Variants in CCDC91 observed in about 807,000 individuals in gnomAD.
CCDC91 encodes the protein coiled-coil domain containing 91, also known as coiled-coil domain-containing protein 91.
A neutral mutation model predicts 63.2 loss-of-function variants in CCDC91; 48 were observed. The observed-to-expected ratio is 0.76, with a 90% CI of 0.60 to 0.97. CCDC91 has a LOEUF of 0.97. CCDC91 is among the 50% of genes least tolerant of loss of function. The pLI, the probability that CCDC91 is intolerant of heterozygous loss-of-function variation, is 0.00. For missense variants in CCDC91, 500 were observed against 494.6 expected (o/e 1.01, Z -0.10); for synonymous variants, 167 against 165.8 (o/e 1.01, Z -0.06).
In CCDC91 at chr12:28,348,063, C is replaced by T. The variant is rs74075334; in HGVS notation, c.577-14375C>T. Reference sequence around the variant, plus strand: ...GACTATTACATTACTCTAAGGAGGCCATCTCTCTGTCCATTGTTGGACATT... The same window carrying T: ...GACTATTACATTACTCTAAGGAGGCTATCTCTCTGTCCATTGTTGGACATT... On this transcript the variant is annotated intron_variant, in intron 6 of 12. Transcript: ENST00000536442. 6.2e-3 allele frequency among the ~76,000 whole-genome samples: 944 copies of T among 152,322 alleles called. 7 individuals carry two copies. The highest frequency in any genetic ancestry group is 0.058 in the Middle Eastern group (17 of 294).
chr12:28,456,116 G>A (rs1950046029), intron 11 of CCDC91, among the ~76,000 whole-genome samples: 1 of 152,052 alleles, frequency 6.6e-6, no homozygotes, highest in Non-Finnish European at 1.5e-5. Context: ...AAGTTCTATA[G>A]GCAAAACTTT....
chr12:28,198,404 A>G (rs1941946661), intron 1 of CCDC91, among the ~76,000 whole-genome samples: 2 of 152,346 alleles, frequency 1.3e-5, no homozygotes, highest in Middle Eastern at 3.4e-3. Context: ...AAAGATAGTG[A>G]TTAAAGATGA....
At chr12:28,213,108 A>AC (rs1943339203) in intron 1 of CCDC91, among the ~76,000 whole-genome samples, 2 of 151,926 alleles carry the variant, frequency 1.3e-5, no homozygotes, top group South Asian at 4.2e-4. Context: ...AGTTGAAGAG[A>AC]CCCCCACACA....
chr12:28,485,523 C>A (rs1343783259), intron 12 of CCDC91, among the ~76,000 whole-genome samples: 3 of 152,068 alleles, frequency 2.0e-5, no homozygotes, highest in African/African-American at 4.8e-5. Flanking sequence ...ATCCCCATCT[C>A]TTGATGGCTA....
chr12:28,283,510 G>T (rs1397208533), intron 3 of CCDC91, among the ~76,000 whole-genome samples: 3 of 151,382 alleles, frequency 2.0e-5, no homozygotes, highest in East Asian at 1.9e-4. Context: ...TCTTAGCTTG[G>T]TCATTATTGG....
intron 7 of CCDC91, among the ~76,000 whole-genome samples, chr12:28,388,852 C>T (rs1945767109): frequency 6.6e-6 from 1 of 152,110 alleles, no homozygotes; most frequent in Admixed American, 6.6e-5. Context: ...ATACAAAAAT[C>T]AGCTGAAGAT....
intron 12 of CCDC91, among the ~76,000 whole-genome samples, chr12:28,547,346 A>G (rs2141885917): frequency 6.6e-6 from 1 of 152,220 alleles, no homozygotes; most frequent in East Asian, 1.9e-4. Context: ...CTTTTAGATT[A>G]GGTTAGCATG....
At chr12:28,417,528 CTTTTGTCTTTTTATTTTTCCCCA>C (rs1269115115) in intron 8 of CCDC91, among the ~76,000 whole-genome samples, 2 of 150,922 alleles carry the variant, frequency 1.3e-5, no homozygotes, top group African/African-American at 4.9e-5. Flanking sequence ...TAGTATTTTT[CTTTTGTCTTTTTATTTTTCCCCA>C]GCTTTATTGA....
At chr12:28,257,659 C>T (rs1214237268) in intron 2 of CCDC91, among the ~76,000 whole-genome samples, 1 of 152,078 alleles carries the variant, frequency 6.6e-6, no homozygotes, top group African/African-American at 2.4e-5. Flanking sequence ...ATATTAAGTA[C>T]ATAGCCTTTT....
chr12:28,499,512 C>A (rs185458957), intron 12 of CCDC91, among the ~76,000 whole-genome samples: 49 of 151,930 alleles, frequency 3.2e-4, no homozygotes, highest in Non-Finnish European at 6.3e-4. Flanking sequence ...CCCTACCCCC[C>A]ACTCCCTTAC....
intron 3 of CCDC91, among the ~76,000 whole-genome samples, chr12:28,260,741 G>A (rs541227225): frequency 3.4e-4 from 51 of 152,000 alleles, no homozygotes; most frequent in African/African-American, 1.2e-3. Flanking sequence ...CTCTCAATAA[G>A]TATTTGGAGG....
intron 12 of CCDC91, among the ~76,000 whole-genome samples, chr12:28,535,022 T>A (rs546223014): frequency 2.6e-5 from 4 of 152,312 alleles, no homozygotes; most frequent in Admixed American, 1.3e-4. Context: ...TAAAGAGCTA[T>A]AAAATGAGAC....
chr12:28,509,947 T>G (rs1281245748), intron 12 of CCDC91, among the ~76,000 whole-genome samples: 1 of 151,856 alleles, frequency 6.6e-6, no homozygotes, highest in African/African-American at 2.4e-5. Flanking sequence ...CTGGTAATAG[T>G]TTTGCATGCT....
intron 1 of CCDC91, among the ~76,000 whole-genome samples, chr12:28,207,420 A>T (rs1484360721): frequency 6.6e-6 from 1 of 152,192 alleles, no homozygotes; most frequent in Non-Finnish European, 1.5e-5. Flanking sequence ...TGTTCTCAGA[A>T]GATCCAGTCT....
In CCDC91 at chr12:28,271,238, A is replaced by G. The variant is rs1409345437; in HGVS notation, c.109+11796A>G. Among the ~76,000 whole-genome samples the G allele has an allele frequency of 4.6e-5, 7 of 152,256 alleles. 1 individual carries two copies. In the South Asian group the frequency reaches 8.3e-4, roughly 18 times the overall value. On this transcript the variant is annotated intron_variant, in intron 3 of 12. Transcript: ENST00000536442. ...GAGGGAAACAGAGAGCATGTTTTCA[A>G]GTGTTAACTTTTGGCAATGTAGATA...
At chr12:28,202,156 G>T (rs1380802325) in intron 1 of CCDC91, among the ~76,000 whole-genome samples, 1 of 152,068 alleles carries the variant, frequency 6.6e-6, no homozygotes, top group Admixed American at 6.6e-5. Flanking sequence ...GTGAGATATT[G>T]TTATCATACT....
chr12:28,531,652 T>G (rs1243055099), intron 12 of CCDC91, among the ~76,000 whole-genome samples: 1 of 152,206 alleles, frequency 6.6e-6, no homozygotes, highest in Non-Finnish European at 1.5e-5. Context: ...ATCATTTGAC[T>G]TCTGAAAATT....
In CCDC91 at chr12:28,311,268, C is replaced by T. The variant is rs192577111; in HGVS notation, c.576+3519C>T. Among the ~76,000 whole-genome samples, 4 of 152,108 alleles carry T rather than the reference C, an allele frequency of 2.6e-5. No individual in the cohort carries two copies. The East Asian group carries it at 5.8e-4, about 22-fold the overall frequency. Reference sequence around the variant, plus strand: ...GGAGAGGCACCTTATTACTGTTCCACGGGTGCCTTACTGTGAGATTAGGTG... The same window carrying T: ...GGAGAGGCACCTTATTACTGTTCCATGGGTGCCTTACTGTGAGATTAGGTG... On this transcript the variant is annotated intron_variant, in intron 6 of 12. Transcript: ENST00000536442.
At chr12:28,539,260 A>G (rs1395384938) in intron 12 of CCDC91, among the ~76,000 whole-genome samples, 3 of 152,108 alleles carry the variant, frequency 2.0e-5, no homozygotes, top group East Asian at 1.9e-4. Flanking sequence ...TAAGTCTTTA[A>G]TCCATCTTGA....
Sources: gnomAD v4.1 joint callset for allele counts (sites outside exome capture counted in the v4.1 genomes callset) on GRCh38, gnomAD v4.1.1 for gene constraint, MANE v1.5 for transcripts, NCBI Gene and HGNC (gene_info 2026-07-23, HGNC 2026-07-21) for gene names.